IFT172: variants seen among roughly 807,000 people sequenced by gnomAD.
IFT172 encodes the protein intraflagellar transport protein 172 homolog.
In IFT172, 164 loss-of-function variants were observed where a neutral mutation model predicts 248.9. The observed-to-expected ratio is 0.66, with a 90% CI of 0.58 to 0.75. The LOEUF is 0.75. Among genes scored for constraint, IFT172 ranks in the 30% least tolerant of loss-of-function variants. IFT172 has a pLI of 0.00. For synonymous variants in IFT172, 729 were observed against 791.6 expected, an observed-to-expected ratio of 0.92 and a Z score of 1.33; for missense variants, 1,950 against 2,192.4, an observed-to-expected ratio of 0.89 and a Z score of 2.21.
In IFT172 at chr2:27,447,526, C is replaced by A. The variant is rs779801761; in HGVS notation, c.4648G>T (p.Val1550Phe). 1.9e-6 allele frequency: 3 copies of A among 1,613,920 alleles called. No homozygotes were observed. In the African/African-American group the frequency reaches 4.0e-5, roughly 22 times the overall value. The stretch of plus-strand genomic sequence containing the variant: ...CCCCTACATCTCACCAGCTGTTTGA[C>A]ACTCTGGGCTGCAGAGCGCGTGGCA... Reference protein sequence around the residue: ...YYATRSAAQSVKQLETVAARL... With the variant: ...YYATRSAAQSFKQLETVAARL... The change falls in exon 42 of 48, where the codon GTC (valine) becomes TTC (phenylalanine). Residue 1550 changes from valine (V) to phenylalanine (F), a missense_variant. Physicochemically the swap from Val to Phe is conservative, Grantham distance 50. This residue lies in a region of IFT172 where 620 missense variants were observed against 699.0 expected (regional missense o/e 0.89). Transcript: ENST00000260570.
rs975185803 is a variant in IFT172, at chr2:27,447,430, A to C, written c.4659+85T>G. 8.5e-6 allele frequency: 13 copies of C among 1,528,374 alleles called. No individual in the cohort carries two copies. The African/African-American group carries it at 1.8e-4, about 21-fold the overall frequency. The allele number at this position is 1,528,374 out of a possible 1,614,324, so 94.7% of individuals were successfully genotyped here. On this transcript the variant is annotated intron_variant, in intron 42 of 47. Transcript: ENST00000260570. ...GGAGATTCAAGAGCCCAAGCTGAAG[A>C]ATCCAGAACGTGAATCAATTCAGCT...
At position 27,489,663 on chromosome 2, in the gene IFT172, C is replaced by G. The variant is rs777338025; in HGVS notation, c.-10G>C. The stretch of plus-strand genomic sequence containing the variant: ...GGTGCTTCAAGTGCATGACGCACAC[C>G]TGTCTTTCAGATGCTCCTAGACAGC... On this transcript the variant is annotated 5_prime_UTR_variant, in exon 1 of 48. Transcript: ENST00000260570. 3 of 1,609,534 alleles carry G rather than the reference C, an allele frequency of 1.9e-6. No individual in the cohort carries two copies. The highest frequency in any genetic ancestry group is 2.7e-5 in the African/African-American group (2 of 74,906).
chr2:27,466,640 G>A (rs1166235066), intron 16 of IFT172, among the ~76,000 whole-genome samples: 1 of 151,746 alleles, frequency 6.6e-6, no homozygotes, highest in Non-Finnish European at 1.5e-5. Flanking sequence ...AAAAATACAA[G>A]GAAACCAACC....
In IFT172 at chr2:27,461,847, C is replaced by G. The variant is rs778792770; in HGVS notation, c.2116-11G>C. On this transcript the variant is annotated splice_polypyrimidine_tract_variant and intron_variant, in intron 20 of 47. Coordinates refer to ENST00000260570, the MANE Select transcript of IFT172 (RefSeq NM_015662.3). ...CTCCTCCACAGCATTCTAGGGGAAA[C>G]AGGCAGAGCAGAGAGGGACACCAGA... 5.0e-6 allele frequency: 8 copies of G among 1,613,974 alleles called. No homozygotes were observed. In the Admixed American group the frequency reaches 1.3e-4, roughly 27 times the overall value.
intron 1 of IFT172, among the ~76,000 whole-genome samples, chr2:27,489,008 G>C (rs1477852528): frequency 2.0e-5 from 3 of 152,242 alleles, no homozygotes; most frequent in South Asian, 4.1e-4. Flanking sequence ...CTGCACTCCA[G>C]CCTGGGCAAC....
Position 27,447,439 on chromosome 2 carries a change from C to CAT in IFT172, c.4659+75_4659+76insAT, listed in dbSNP as rs1665242020. The stretch of plus-strand genomic sequence containing the variant: ...AGAGCCCAAGCTGAAGAATCCAGAA[C>CAT]GTGAATCAATTCAGCTTTATACATT... On this transcript the variant is annotated intron_variant, in intron 42 of 47. Transcript: ENST00000260570. The CAT allele has an allele frequency of 9.7e-6, 15 of 1,550,638 alleles. 1 individual carries two copies. The South Asian group carries it at 1.8e-4, about 19-fold the overall frequency.
chr2:27,485,584 G>A lies in IFT172; in HGVS notation c.40-81C>T, dbSNP rs2148560234. ...CATTTCTAGCTTCATTAATTCTAGT[G>A]TAATACTGGTCAATTTTCTTCCTGT... On this transcript the variant is annotated intron_variant, in intron 1 of 47. Transcript: ENST00000260570. 2.0e-6 allele frequency: 3 copies of A among 1,490,038 alleles called. No individual in the cohort carries two copies. The East Asian group carries it at 6.8e-5, about 34-fold the overall frequency. 92.3% of individuals were successfully genotyped at this position (1,490,038 alleles called of 1,614,324 possible).
intron 17 of IFT172, 22 bp from the exon 18 acceptor site, chr2:27,465,540 G>A: frequency 5.6e-6 from 9 of 1,608,798 alleles, no homozygotes; most frequent in Non-Finnish European, 7.7e-6. Flanking sequence ...AGGAAGCAAA[G>A]CATAATGAAT....
At chr2:27,452,955 G>A (rs770610806) in intron 35 of IFT172, among the ~76,000 whole-genome samples, 15 of 152,142 alleles carry the variant, frequency 9.9e-5, no homozygotes, top group Admixed American at 6.5e-4. Flanking sequence ...TGGGGGAGGT[G>A]GAGCCCATGC....
intron 35 of IFT172, 54 bp from the exon 36 acceptor site, chr2:27,450,150 T>C: frequency 7.7e-7 from 1 of 1,298,012 alleles, no homozygotes; most frequent in East Asian, 2.3e-5. Context: ...TACCGCTGAG[T>C]CCTCAGCCTC....
At chr2:27,448,766 G>C (rs1248533231) in intron 40 of IFT172, 149 bp downstream of exon 40, 1 of 665,824 alleles carries the variant, frequency 1.5e-6, no homozygotes, top group Non-Finnish European at 2.7e-6. Flanking sequence ...CAGAGAGGCT[G>C]TACATTTCTG....
At chr2:27,484,316 G>A (rs765725206) in intron 3 of IFT172, 50 bp from the exon 4 acceptor site, 2 of 1,600,792 alleles carry the variant, frequency 1.2e-6, no homozygotes, top group Non-Finnish European at 1.7e-6. Flanking sequence ...TCCAGGCCGG[G>A]CGTGGTGGCT....
chr2:27,487,908 A>G (rs1325467083), intron 1 of IFT172, among the ~76,000 whole-genome samples: 2 of 152,124 alleles, frequency 1.3e-5, no homozygotes, highest in Admixed American at 1.3e-4. Context: ...AAATCCATGT[A>G]TGTGTAAATC....
At chr2:27,471,185 G>GGGTT in intron 15 of IFT172, 90 bp from the exon 16 acceptor site, 2 of 1,285,250 alleles carry the variant, frequency 1.6e-6, no homozygotes, top group Non-Finnish European at 2.2e-6. Flanking sequence ...GAGATGTGGT[G>GGGTT]AGCTAACCCA....
At position 27,445,718 on chromosome 2, in the gene IFT172, TC is replaced by T; in HGVS notation, c.4914+26del. On this transcript the variant is annotated intron_variant, in intron 45 of 47. Transcript: ENST00000260570. The surrounding 1 kb of genome is among the most constrained non-coding windows in gnomAD (Gnocchi z 4.4). ...CAAGGCACTCACACTGGTGAGGCCT[TC>T]CGGTTTTCCAACCCTGTGCCCTTAC... The T allele has an allele frequency of 6.2e-7, 1 of 1,613,172 alleles. No homozygotes were observed. Among genetic ancestry groups the T allele is most frequent in the Non-Finnish European group, 8.5e-7 (1 of 1,179,248 alleles).
At chr2:27,483,681 C>A in intron 5 of IFT172, 22 bp from the exon 6 acceptor site, 1 of 1,611,274 alleles carries the variant, frequency 6.2e-7, no homozygotes, top group Non-Finnish European at 8.5e-7. Flanking sequence ...AAAATTGATA[C>A]AAGTATGGTT....
chr2:27,458,658 T>C, intron 26 of IFT172, 121 bp downstream of exon 26: 1 of 1,158,572 alleles, frequency 8.6e-7, no homozygotes, highest in Non-Finnish European at 1.2e-6. Flanking sequence ...CTCAGACTGT[T>C]TTTTGGTACT....
Position 27,453,526 on chromosome 2 carries a change from G to C in IFT172, c.3822-13C>G, listed in dbSNP as rs765929814. 6 of 1,613,266 alleles carry C rather than the reference G, an allele frequency of 3.7e-6. No individual in the cohort carries two copies. In the South Asian group the frequency reaches 4.4e-5, roughly 12 times the overall value. On this transcript the variant is annotated splice_polypyrimidine_tract_variant and intron_variant, in intron 34 of 47. Transcript: ENST00000260570. ...TCCCTCCACACCCCTGTGGAGATGA[G>C]AGCGCTGGGACTTGGCATGGTAGGG...
chr2:27,462,696 A>G lies in IFT172; in HGVS notation c.2115+5T>C. ...TCTTCCATCCTGTCCCTCTTTTCCT[A>G]TTACCTGTTCCAAAAAGATCATTTC... is the stretch of plus-strand genomic sequence containing the variant. On this transcript the variant is annotated splice_donor_5th_base_variant and intron_variant, in intron 20 of 47. Coordinates refer to ENST00000260570, the MANE Select transcript of IFT172 (RefSeq NM_015662.3). 1 of 1,611,454 alleles carries G rather than the reference A, an allele frequency of 6.2e-7. No individual in the cohort carries two copies. Among genetic ancestry groups the G allele is most frequent in the Non-Finnish European group, 8.5e-7 (1 of 1,178,390 alleles).
Sources: gnomAD v4.1 joint callset for allele counts (sites outside exome capture counted in the v4.1 genomes callset) on GRCh38, gnomAD v4.1.1 for gene constraint, gnomAD v4.1.1 regional missense constraint, Gnocchi (gnomAD v3.1) non-coding constraint, MANE v1.5 for transcripts, NCBI Gene and HGNC (gene_info 2026-07-23, HGNC 2026-07-21) for gene names.